The following SNAP91 variants were observed in gnomAD, a reference collection of about 807,000 sequenced individuals.
SNAP91 encodes clathrin coat assembly protein AP180.
A neutral mutation model predicts 100.3 loss-of-function variants in SNAP91; 27 were observed. That is an observed-to-expected ratio of 0.27 (90% confidence interval 0.20 to 0.37). The LOEUF (loss-of-function observed/expected upper bound fraction) is 0.37. Ranked by LOEUF, SNAP91 falls within the 10% of genes least tolerant of loss-of-function variation. The pLI is 1.00. For missense variants in SNAP91, 986 were observed against 1,123.7 expected, an observed-to-expected ratio of 0.88 and a Z score of 1.75; for synonymous variants, 404 against 398.6, an observed-to-expected ratio of 1.01 and a Z score of -0.16.
chr6:83,595,756 C>T (rs1042466858), intron 16 of SNAP91, among the ~76,000 whole-genome samples: 6 of 152,186 alleles, frequency 3.9e-5, no homozygotes, highest in African/African-American at 1.4e-4. Context: ...CTACACAGTA[C>T]ATGCTCTTCC....
intron 2 of SNAP91, among the ~76,000 whole-genome samples, chr6:83,701,631 T>C (rs184609177): frequency 1.3e-5 from 2 of 152,190 alleles, no homozygotes; most frequent in East Asian, 3.9e-4. Flanking sequence ...GTATTTTTAG[T>C]AGAGACGGGG....
chr6:83,582,128 T>C (rs980033335), intron 23 of SNAP91, 94 bp downstream of exon 23: 9 of 1,320,850 alleles, frequency 6.8e-6, no homozygotes, highest in Admixed American at 6.8e-5. Flanking sequence ...AATATTTGCT[T>C]GTTGTAAATT....
chr6:83,699,701 T>C lies in SNAP91; in HGVS notation c.130+8097A>G, dbSNP rs74659205. On this transcript the variant is annotated intron_variant, in intron 2 of 29. Transcript: ENST00000369694. ...TTTAAAAAACCCAACAAATTCCAAA[T>C]AGAATAAACAAAAAACAATGCCACA... is the stretch of plus-strand genomic sequence containing the variant. Among the ~76,000 whole-genome samples, 729 of 151,930 alleles carry C rather than the reference T, an allele frequency of 4.8e-3. 8 individuals carry two copies. Among genetic ancestry groups the C allele is most frequent in the African/African-American group, 0.016 (683 of 41,428 alleles).
intron 1 of SNAP91, 39 bp from the exon 2 acceptor site, chr6:83,707,996 C>T (rs2099402736): frequency 9.4e-6 from 14 of 1,483,640 alleles, no homozygotes; most frequent in Non-Finnish European, 1.2e-5. Flanking sequence ...CTTTAATCCG[C>T]AGACCCTACC....
chr6:83,636,488 C>G (rs1045945342), intron 8 of SNAP91, among the ~76,000 whole-genome samples: 2 of 152,136 alleles, frequency 1.3e-5, no homozygotes, highest in Non-Finnish European at 2.9e-5. Context: ...TTTTCAAATT[C>G]CTGTAGTGAA....
At chr6:83,706,613 T>C (rs1233652456) in intron 2 of SNAP91, among the ~76,000 whole-genome samples, 1 of 152,242 alleles carries the variant, frequency 6.6e-6, no homozygotes. Context: ...AAGCTTCGCT[T>C]ATGCAGATAA....
chr6:83,656,118 G>A (rs1433837429), intron 7 of SNAP91, among the ~76,000 whole-genome samples: 4 of 152,104 alleles, frequency 2.6e-5, no homozygotes, highest in Non-Finnish European at 5.9e-5. Flanking sequence ...CTAACTGTTG[G>A]CCTGGATGAT....
intron 8 of SNAP91, among the ~76,000 whole-genome samples, chr6:83,631,933 T>G (rs1466543244): frequency 6.6e-6 from 1 of 152,132 alleles, no homozygotes; most frequent in Non-Finnish European, 1.5e-5. Flanking sequence ...TTATATATTT[T>G]TTATAGGTCC....
chr6:83,702,646 A>G (rs2099328255), intron 2 of SNAP91, among the ~76,000 whole-genome samples: 1 of 152,176 alleles, frequency 6.6e-6, no homozygotes, highest in Admixed American at 6.5e-5. Flanking sequence ...CTTTTTAAAA[A>G]TCAAATTGAG....
At chr6:83,668,522 C>T (rs928533096) in intron 2 of SNAP91, among the ~76,000 whole-genome samples, 2 of 152,082 alleles carry the variant, frequency 1.3e-5, no homozygotes, top group African/African-American at 2.4e-5. Flanking sequence ...GAGTTCATGT[C>T]CTTTGTAGGG....
chr6:83,668,907 ATAT>A (rs1347081453), intron 2 of SNAP91, among the ~76,000 whole-genome samples: 1 of 152,014 alleles, frequency 6.6e-6, no homozygotes, highest in Non-Finnish European at 1.5e-5. Flanking sequence ...TGAGTTGAAA[ATAT>A]TATTAAGTTG....
At chr6:83,644,328 T>C (rs1405669583) in intron 7 of SNAP91, among the ~76,000 whole-genome samples, 1 of 152,144 alleles carries the variant, frequency 6.6e-6, no homozygotes, top group Non-Finnish European at 1.5e-5. Flanking sequence ...CATAATTGTT[T>C]CTATAATAGT....
intron 22 of SNAP91, among the ~76,000 whole-genome samples, chr6:83,583,484 C>T (rs959237741): frequency 5.3e-5 from 8 of 152,166 alleles, no homozygotes; most frequent in African/African-American, 9.7e-5. Flanking sequence ...TATCCTTTGA[C>T]GGCTGGAAGC....
At chr6:83,631,222 A>C (rs938083449) in intron 8 of SNAP91, among the ~76,000 whole-genome samples, 3 of 151,844 alleles carry the variant, frequency 2.0e-5, no homozygotes, top group African/African-American at 7.3e-5. Context: ...TATAATTTCA[A>C]TTTTCTTAAA....
intron 8 of SNAP91, among the ~76,000 whole-genome samples, chr6:83,639,080 T>C (rs2097571993): frequency 6.6e-6 from 1 of 152,232 alleles, no homozygotes; most frequent in African/African-American, 2.4e-5. Context: ...ACTTTACCTT[T>C]TCTTTAATAC....
At chr6:83,706,446 T>G (rs1390361494) in intron 2 of SNAP91, among the ~76,000 whole-genome samples, 1 of 152,242 alleles carries the variant, frequency 6.6e-6, no homozygotes, top group Non-Finnish European at 1.5e-5. Flanking sequence ...TAACATATAA[T>G]GCTGTAATCA....
chr6:83,634,803 C>T (rs1347983275), intron 8 of SNAP91, among the ~76,000 whole-genome samples: 1 of 152,114 alleles, frequency 6.6e-6, no homozygotes, highest in Non-Finnish European at 1.5e-5. Flanking sequence ...CCTCTTAAAA[C>T]TGCCTTTGCT....
intron 8 of SNAP91, among the ~76,000 whole-genome samples, chr6:83,636,039 G>A (rs974605622): frequency 2.0e-5 from 3 of 152,144 alleles, no homozygotes; most frequent in Non-Finnish European, 2.9e-5. Flanking sequence ...GAAGTCTGTC[G>A]TTAGCCTGAT....
chr6:83,609,599 C>T (rs1372131225), intron 12 of SNAP91, among the ~76,000 whole-genome samples: 1 of 152,142 alleles, frequency 6.6e-6, no homozygotes, highest in African/African-American at 2.4e-5. Flanking sequence ...AAAAACACAT[C>T]TATTACATTT....
Sources: gnomAD v4.1 joint callset for allele counts (sites outside exome capture counted in the v4.1 genomes callset) on GRCh38, gnomAD v4.1.1 for gene constraint, MANE v1.5 for transcripts, NCBI Gene and HGNC (gene_info 2026-07-23, HGNC 2026-07-21) for gene names.